Variants in PGCKA1 observed in about 807,000 individuals in gnomAD.
PGCKA1 encodes PDCD10 and GCKIII kinases associated 1, also known as PDCD10 and GCKIII kinases-associated protein 1.
the PGCKA1 span, among the ~76,000 whole-genome samples, chr4:37,577,441 A>T: frequency 6.6e-6 from 1 of 151,692 alleles, no homozygotes; most frequent in Non-Finnish European, 1.5e-5. Context: ...ATCTGATTTT[A>T]TTTATTTGGA....
chr4:37,474,310 A>G, the PGCKA1 span, among the ~76,000 whole-genome samples: 3 of 152,116 alleles, frequency 2.0e-5, no homozygotes. Flanking sequence ...GAAGGACCTC[A>G]TATAAAATAA....
At chr4:37,556,654 T>C in the PGCKA1 span, among the ~76,000 whole-genome samples, 1 of 152,146 alleles carries the variant, frequency 6.6e-6, no homozygotes, top group African/African-American at 2.4e-5. Flanking sequence ...CCAGTTACAC[T>C]CTCTTCCCTA....
chr4:37,541,581 C>T, the PGCKA1 span, among the ~76,000 whole-genome samples: 1 of 152,356 alleles, frequency 6.6e-6, no homozygotes, highest in East Asian at 1.9e-4. Flanking sequence ...CAATTAGCCA[C>T]ATGGCCGCTG....
At chr4:37,534,766 G>A in the PGCKA1 span, among the ~76,000 whole-genome samples, 1 of 152,138 alleles carries the variant, frequency 6.6e-6, no homozygotes, top group Non-Finnish European at 1.5e-5. Flanking sequence ...AATCCCATTT[G>A]TGAAGTCAGA....
At chr4:37,454,686 C>T in the PGCKA1 span, among the ~76,000 whole-genome samples, 1 of 152,224 alleles carries the variant, frequency 6.6e-6, no homozygotes, top group Non-Finnish European at 1.5e-5. Flanking sequence ...ATTAGGCAAG[C>T]ATCTCCCAGC....
the PGCKA1 span, among the ~76,000 whole-genome samples, chr4:37,538,913 T>C: frequency 3.3e-5 from 5 of 152,222 alleles, no homozygotes; most frequent in Non-Finnish European, 7.3e-5. Flanking sequence ...TTACCAAAAA[T>C]GTTAAGTTCC....
At chr4:37,466,531 T>C in the PGCKA1 span, among the ~76,000 whole-genome samples, 3 of 152,182 alleles carry the variant, frequency 2.0e-5, no homozygotes, top group Non-Finnish European at 4.4e-5. Context: ...CCCTGGCTGC[T>C]GTGTAGGAAG....
At chr4:37,577,687 G>A in the PGCKA1 span, among the ~76,000 whole-genome samples, 1 of 151,882 alleles carries the variant, frequency 6.6e-6, no homozygotes, top group African/African-American at 2.4e-5. Flanking sequence ...GCCTGTATAG[G>A]GATAAACTTC....
At chr4:37,583,454 T>TG in the PGCKA1 span, among the ~76,000 whole-genome samples, 1 of 150,312 alleles carries the variant, frequency 6.7e-6, no homozygotes, top group East Asian at 2.0e-4. Context: ...TTTTTTTTTT[T>TG]GAGACGGAAT....
At chr4:37,593,346 T>C in the PGCKA1 span, among the ~76,000 whole-genome samples, 1,598 of 151,304 alleles carry the variant, frequency 0.011, 24 homozygotes, top group African/African-American at 0.037. Flanking sequence ...ATGACCCACA[T>C]ATCAATGACC....
chr4:37,481,464 CAA>C, the PGCKA1 span, among the ~76,000 whole-genome samples: 18 of 61,400 alleles, frequency 2.9e-4, no homozygotes, highest in Non-Finnish European at 4.9e-4. Context: ...GACCTGTCTC[CAA>C]AAAAAAAAAA....
chr4:37,513,741 A>G, the PGCKA1 span, among the ~76,000 whole-genome samples: 1 of 152,244 alleles, frequency 6.6e-6, no homozygotes, highest in African/African-American at 2.4e-5. Flanking sequence ...AACTCTGTAC[A>G]AACAGTTTTG....
chr4:37,560,095 C>T, the PGCKA1 span, among the ~76,000 whole-genome samples: 1 of 152,354 alleles, frequency 6.6e-6, no homozygotes, highest in South Asian at 2.1e-4. Flanking sequence ...GTCATCCTCA[C>T]TTCCACTACA....
chr4:37,571,309 C>T, the PGCKA1 span, among the ~76,000 whole-genome samples: 2 of 150,020 alleles, frequency 1.3e-5, no homozygotes, highest in Non-Finnish European at 3.0e-5. Context: ...TGATGAGCTG[C>T]CTTCCAAGAT....
chr4:37,502,788 C>G, the PGCKA1 span, among the ~76,000 whole-genome samples: 2 of 152,024 alleles, frequency 1.3e-5, no homozygotes, highest in Non-Finnish European at 2.9e-5. Flanking sequence ...TGCTGGAGCT[C>G]TCTACCAGTC....
the PGCKA1 span, among the ~76,000 whole-genome samples, chr4:37,492,917 C>T: frequency 6.6e-6 from 1 of 152,136 alleles, no homozygotes; most frequent in African/African-American, 2.4e-5. This position sits in a 1 kb window ranked among gnomAD's most constrained non-coding sequence, Gnocchi z 4.7. Flanking sequence ...ACTGCCAGCC[C>T]TGGTTCAGCT....
At chr4:37,554,064 G>A in the PGCKA1 span, among the ~76,000 whole-genome samples, 1 of 152,148 alleles carries the variant, frequency 6.6e-6, no homozygotes, top group Non-Finnish European at 1.5e-5. Flanking sequence ...TTGAATCATG[G>A]GGGTGGGTTT....
chr4:37,493,434 A>C, the PGCKA1 span, among the ~76,000 whole-genome samples: 2 of 152,240 alleles, frequency 1.3e-5, no homozygotes, highest in Non-Finnish European at 2.9e-5. Flanking sequence ...CTTACTCCAC[A>C]AACATTTATT....
the PGCKA1 span, chr4:37,590,554 T>C: frequency 5.0e-6 from 8 of 1,614,050 alleles, no homozygotes; most frequent in East Asian, 1.1e-4. Flanking sequence ...CAGAGCTCCT[T>C]CTGAGGCAGA....
Sources: gnomAD v4.1 joint callset for allele counts (sites outside exome capture counted in the v4.1 genomes callset) on GRCh38, gnomAD v4.1.1 for gene constraint, Gnocchi (gnomAD v3.1) non-coding constraint, MANE v1.5 for transcripts, NCBI Gene and HGNC (gene_info 2026-07-23, HGNC 2026-07-21) for gene names.